Variants in JRK observed in about 807,000 individuals in gnomAD.
JRK encodes jerky protein homolog.
For missense variants in JRK, 720 were observed against 509.2 expected (o/e 1.41, Z -3.98); for synonymous variants, 303 against 218.1 (o/e 1.39, Z -3.43).
intron 1 of JRK, among the ~76,000 whole-genome samples, chr8:142,669,196 GT>G: frequency 1.6e-5 from 1 of 61,494 alleles, no homozygotes; most frequent in African/African-American, 8.7e-5. Context: ...GTGTGTGTGT[GT>G]GTGCGTGTGT....
chr8:142,651,553 T>G, the JRK span, among the ~76,000 whole-genome samples: 1 of 98,872 alleles, frequency 1.0e-5, no homozygotes. Context: ...TTTTTTTTTT[T>G]TTTTTTGGTG....
At chr8:142,647,443 C>T in the JRK span, among the ~76,000 whole-genome samples, 5 of 152,098 alleles carry the variant, frequency 3.3e-5, no homozygotes, top group Non-Finnish European at 2.9e-5. Flanking sequence ...ATGGGAGGAA[C>T]CTGGTGGGAG....
At position 142,662,736 on chromosome 8, in the gene JRK, G is replaced by A. The variant is rs1166234308; in HGVS notation, c.*1616C>T. On this transcript the variant is annotated 3_prime_UTR_variant, in exon 2 of 2. Coordinates refer to ENST00000612905, the MANE Select transcript of JRK (RefSeq NM_003724.4). Reference sequence around the variant, plus strand: ...CAGCGAGCCAAATCCTCTCCTTCATGAGAACAGAGGTTTCAGTGGAATCAA... The same window carrying A: ...CAGCGAGCCAAATCCTCTCCTTCATAAGAACAGAGGTTTCAGTGGAATCAA... 1.0e-6 allele frequency: 1 copy of A among 985,364 alleles called. No homozygotes were observed. The highest frequency in any genetic ancestry group is 1.7e-5 in the African/African-American group (1 of 57,250). 61.0% of individuals were successfully genotyped at this position (985,364 alleles called of 1,614,324 possible).
chr8:142,649,472 A>T, the JRK span, among the ~76,000 whole-genome samples: 1 of 152,184 alleles, frequency 6.6e-6, no homozygotes, highest in Non-Finnish European at 1.5e-5. Context: ...TGCACATGTT[A>T]TCTTTCTCTT....
At position 142,662,654 on chromosome 8, in the gene JRK, C is replaced by G. The variant is rs1846952533; in HGVS notation, c.*1698G>C. ...ACACTTCCAGGACATAGATAGGGCT[C>G]TGTCAGCAATGACTTTTGCCCCTGT... On this transcript the variant is annotated 3_prime_UTR_variant, in exon 2 of 2. Transcript: ENST00000612905. 1.0e-6 allele frequency: 1 copy of G among 985,428 alleles called. No individual in the cohort carries two copies. Among genetic ancestry groups the G allele is most frequent in the African/African-American group, 1.7e-5 (1 of 57,350 alleles). 61.0% of individuals were successfully genotyped at this position (985,428 alleles called of 1,614,324 possible). A position where few individuals can be genotyped will look rare whatever the true frequency, so the allele number is the denominator to read the frequency against.
Position 142,666,494 on chromosome 8 carries a change from G to T in JRK, c.-436C>A, listed in dbSNP as rs377586015. 20 of 303,902 alleles carry T rather than the reference G, an allele frequency of 6.6e-5. No individual in the cohort carries two copies. In the South Asian group the frequency reaches 6.9e-4, roughly 10 times the overall value. The allele number at this position is 303,902 out of a possible 1,614,324, so 18.8% of individuals were successfully genotyped here. A position where few individuals can be genotyped will look rare whatever the true frequency, so the allele number is the denominator to read the frequency against. ...AGGTGCCTCTCCAGGGTCCACAATG[G>T]TATCTCCAGGCACAGCACTTCAGGG... is the stretch of plus-strand genomic sequence containing the variant. On this transcript the variant is annotated 5_prime_UTR_variant, in exon 2 of 2. Coordinates refer to ENST00000612905, the MANE Select transcript of JRK (RefSeq NM_003724.4).
the JRK span, among the ~76,000 whole-genome samples, chr8:142,651,271 T>TAA: frequency 1.3e-5 from 2 of 151,390 alleles, no homozygotes; most frequent in Non-Finnish European, 2.9e-5. Context: ...TGAGCTCCTT[T>TAA]AAAAAAAAAG....
the JRK span, among the ~76,000 whole-genome samples, chr8:142,644,649 T>C: frequency 9.2e-5 from 14 of 151,746 alleles, no homozygotes; most frequent in African/African-American, 3.4e-4. Context: ...TCACAGGTTA[T>C]TGTACAATAA....
At chr8:142,644,008 G>A in the JRK span, among the ~76,000 whole-genome samples, 1 of 152,298 alleles carries the variant, frequency 6.6e-6, no homozygotes, top group Non-Finnish European at 1.5e-5. Context: ...AACATTTTAA[G>A]TGAAAAGTCA....
rs587698202 is a variant in JRK at position 142,659,002 on chromosome 8, G to A, written c.*5350C>T. 5.0e-5 allele frequency: 78 copies of A among 1,558,442 alleles called. No individual in the cohort carries two copies. In the African/African-American group the frequency reaches 9.2e-4, roughly 18 times the overall value. ...GAGCGTCAGTATGTCCACACCATAG[G>A]GGTGTAGTCACTTCCCTCTGCCAGG... is the stretch of plus-strand genomic sequence containing the variant. On this transcript the variant is annotated 3_prime_UTR_variant, in exon 2 of 2. Transcript: ENST00000612905.
the JRK span, among the ~76,000 whole-genome samples, chr8:142,645,068 G>A: frequency 3.9e-5 from 6 of 152,152 alleles, no homozygotes; most frequent in African/African-American, 1.4e-4. Context: ...TGGGCCTTGA[G>A]GAGTTGAATA....
Position 142,661,083 on chromosome 8 carries a change from C to T in JRK, c.*3269G>A, listed in dbSNP as rs782062362. Reference sequence around the variant, plus strand: ...CAGGGGCAGTCCAGGTGCTCTCCATCGCATGCTCAGCCATGGCTGAGCACG... The same window carrying T: ...CAGGGGCAGTCCAGGTGCTCTCCATTGCATGCTCAGCCATGGCTGAGCACG... On this transcript the variant is annotated 3_prime_UTR_variant, in exon 2 of 2. Coordinates refer to ENST00000612905, the MANE Select transcript of JRK (RefSeq NM_003724.4). 3.5e-5 allele frequency: 34 copies of T among 985,298 alleles called. No individual in the cohort carries two copies. Among genetic ancestry groups the T allele is most frequent in the Middle Eastern group, 5.2e-4 (1 of 1,938 alleles). The allele number at this position is 985,298 out of a possible 1,614,324, so 61.0% of individuals were successfully genotyped here.
Position 142,664,381 on chromosome 8 carries a change from G to C in JRK, c.1678C>G (p.Pro560Ala). 1.3e-6 allele frequency: 2 copies of C among 1,584,646 alleles called. No individual in the cohort carries two copies. Among genetic ancestry groups the C allele is most frequent in the Non-Finnish European group, 1.7e-6 (2 of 1,162,648 alleles). Reference sequence around the variant, plus strand: ...TTGTCACCTGCTGTGGATGAGCAGGGCAAGGGAGACTGAGCTGTGGCCCCA... The same window carrying C: ...TTGTCACCTGCTGTGGATGAGCAGGCCAAGGGAGACTGAGCTGTGGCCCCA... Reference protein sequence around the residue: ...GCGATAQSPLPCSSTAGDN With the variant: ...GCGATAQSPLACSSTAGDN Residue 560 changes from proline (P) to alanine (A), a missense_variant, in exon 2 of 2, where the codon CCC becomes GCC. Coordinates refer to ENST00000612905, the MANE Select transcript of JRK (RefSeq NM_003724.4).
intron 1 of JRK, among the ~76,000 whole-genome samples, chr8:142,669,340 G>A (rs1847246648): frequency 6.6e-6 from 1 of 152,108 alleles, no homozygotes; most frequent in African/African-American, 2.4e-5. Flanking sequence ...AAAGCCTGGG[G>A]CCGTGCGCCC....
chr8:142,651,169 AAAAAAC>A, the JRK span, among the ~76,000 whole-genome samples: 135 of 152,324 alleles, frequency 8.9e-4, 1 homozygote, highest in Middle Eastern at 0.024. Flanking sequence ...TAAGAGAGGA[AAAAAAC>A]AAAAACAAAA....
intron 1 of JRK, among the ~76,000 whole-genome samples, chr8:142,669,542 A>T (rs1367395756): frequency 2.6e-5 from 4 of 152,182 alleles, no homozygotes; most frequent in Non-Finnish European, 5.9e-5. Flanking sequence ...GGAGAAAAAA[A>T]AGTCTCGGTC....
the JRK span, among the ~76,000 whole-genome samples, chr8:142,647,394 T>C: frequency 6.6e-6 from 1 of 152,148 alleles, no homozygotes; most frequent in African/African-American, 2.4e-5. Context: ...CTCACCCAAA[T>C]CTCATCTTGA....
the JRK span, among the ~76,000 whole-genome samples, chr8:142,651,230 GTTAAC>G: frequency 6.6e-6 from 1 of 152,106 alleles, no homozygotes; most frequent in African/African-American, 2.4e-5. Context: ...CATTTTGGAT[GTTAAC>G]TTTAATTTAT....
the JRK span, among the ~76,000 whole-genome samples, chr8:142,643,726 C>G: frequency 6.6e-6 from 1 of 152,144 alleles, no homozygotes; most frequent in Non-Finnish European, 1.5e-5. Flanking sequence ...AAGTTTGATT[C>G]CTTAAAGGAA....
Sources: allele counts gnomAD v4.1 joint callset (sites outside exome capture counted in the v4.1 genomes callset), GRCh38; gene constraint gnomAD v4.1.1; transcripts MANE v1.5; gene names NCBI Gene and HGNC (gene_info 2026-07-23, HGNC 2026-07-21).